The following FTCDNL1 variants were observed in gnomAD, a reference collection of about 807,000 sequenced individuals.
The protein encoded by FTCDNL1 is formiminotransferase N-terminal subdomain-containing protein.
FTCDNL1 carries 11 observed loss-of-function variants against 5.9 expected under a neutral mutation model. That is an observed-to-expected ratio of 1.87 (90% confidence interval 1.18 to 3.10). FTCDNL1 has a LOEUF of 3.10. Among genes scored for constraint, FTCDNL1 ranks in the 30% most tolerant of loss-of-function variants. The pLI, the probability that FTCDNL1 is intolerant of heterozygous loss-of-function variation, is 0.00. For missense variants in FTCDNL1, 115 were observed against 65.5 expected, an observed-to-expected ratio of 1.76 and a Z score of -2.61; for synonymous variants, 58 against 24.8, an observed-to-expected ratio of 2.34 and a Z score of -3.99.
chr2:199,775,805 C>G (rs1413100796), intron 3 of FTCDNL1, among the ~76,000 whole-genome samples: 1 of 152,128 alleles, frequency 6.6e-6, no homozygotes, highest in African/African-American at 2.4e-5. Context: ...TAATCTCTTG[C>G]ATATGTTTCT....
the FTCDNL1 span, among the ~76,000 whole-genome samples, chr2:199,711,396 G>T: frequency 6.6e-6 from 1 of 151,770 alleles, no homozygotes; most frequent in Non-Finnish European, 1.5e-5. Context: ...AAAATGAAAT[G>T]AATTCTCTGC....
At chr2:199,737,014 A>C in the FTCDNL1 span, among the ~76,000 whole-genome samples, 1 of 152,242 alleles carries the variant, frequency 6.6e-6, no homozygotes, top group Non-Finnish European at 1.5e-5. Context: ...TGGCTGCCAG[A>C]CTGCTGAGCC....
At chr2:199,774,061 TA>T in intron 3 of FTCDNL1, among the ~76,000 whole-genome samples, 1 of 152,362 alleles carries the variant, frequency 6.6e-6, no homozygotes, top group East Asian at 1.9e-4. Flanking sequence ...TGTTTTGTAA[TA>T]CATCCATTCT....
the FTCDNL1 span, among the ~76,000 whole-genome samples, chr2:199,744,591 G>T: frequency 1.3e-5 from 2 of 152,188 alleles, no homozygotes; most frequent in Admixed American, 1.3e-4. Context: ...CTCCAGAACT[G>T]TAAGAAAATA....
downstream of FTCDNL1, among the ~76,000 whole-genome samples, chr2:199,808,709 G>A (rs904914359): frequency 1.2e-4 from 18 of 152,174 alleles, no homozygotes; most frequent in African/African-American, 4.1e-4. Context: ...CCTCTCATCT[G>A]TTTAATACTG....
chr2:199,676,379 C>A, the FTCDNL1 span, among the ~76,000 whole-genome samples: 1 of 151,942 alleles, frequency 6.6e-6, no homozygotes, highest in African/African-American at 2.4e-5. Context: ...TTTAATGTAG[C>A]AAAATATAAG....
chr2:199,793,081 A>G (rs1428001878), intron 3 of FTCDNL1, among the ~76,000 whole-genome samples: 1 of 152,184 alleles, frequency 6.6e-6, no homozygotes, highest in African/African-American at 2.4e-5. Context: ...TTTGCCTACA[A>G]GGACCCAAGT....
the FTCDNL1 span, among the ~76,000 whole-genome samples, chr2:199,669,824 T>G: frequency 6.6e-6 from 1 of 152,202 alleles, no homozygotes; most frequent in East Asian, 1.9e-4. Context: ...TGGGTCACTC[T>G]TCCAGATGTT....
In FTCDNL1 at chr2:199,851,141, C is replaced by A. The variant is rs1294077123; in HGVS notation, c.-409G>T. 2 of 137,536 alleles carry A rather than the reference C, an allele frequency of 1.5e-5. No individual in the cohort carries two copies. The highest frequency in any genetic ancestry group is 6.1e-5 in the African/African-American group (2 of 32,854). 8.5% of individuals were successfully genotyped at this position (137,536 alleles called of 1,614,324 possible). A position where few individuals can be genotyped will look rare whatever the true frequency, so the allele number is the denominator to read the frequency against. On this transcript the variant is annotated 5_prime_UTR_variant, in exon 1 of 5. Coordinates refer to ENST00000420128, the MANE Select transcript of FTCDNL1 (RefSeq NM_001363886.2). ...AAGTCGCCGCCGCGCGTGGCCCGCGCGCAGCCTCCGCCGCCGCGCGTGGCC... is the reference window on the plus strand; with the variant it reads ...AAGTCGCCGCCGCGCGTGGCCCGCGAGCAGCCTCCGCCGCCGCGCGTGGCC...
At chr2:199,757,793 G>A (rs561241827), downstream of FTCDNL1, among the ~76,000 whole-genome samples, 1 of 152,210 alleles carries the variant, frequency 6.6e-6, no homozygotes, top group Admixed American at 6.5e-5. Context: ...TGTCCAGATG[G>A]GCATTAAATT....
chr2:199,818,387 A>G (rs778931645), intron 4 of FTCDNL1: 6 of 152,176 alleles, frequency 3.9e-5, no homozygotes, highest in Admixed American at 6.6e-5. Context: ...CTTTTATTAA[A>G]TCTCATCTTC....
At chr2:199,725,507 T>C in the FTCDNL1 span, among the ~76,000 whole-genome samples, 1 of 152,186 alleles carries the variant, frequency 6.6e-6, no homozygotes, top group Non-Finnish European at 1.5e-5. Context: ...TCAGTGTGTT[T>C]TTGTAGAGGC....
At chr2:199,670,698 T>A in the FTCDNL1 span, among the ~76,000 whole-genome samples, 1 of 152,084 alleles carries the variant, frequency 6.6e-6, no homozygotes, top group Non-Finnish European at 1.5e-5. Flanking sequence ...CTTCTCTTGA[T>A]CACTTTATCT....
At chr2:199,712,594 G>A in the FTCDNL1 span, among the ~76,000 whole-genome samples, 1 of 152,184 alleles carries the variant, frequency 6.6e-6, no homozygotes, top group African/African-American at 2.4e-5. Flanking sequence ...GGTGGCTTCA[G>A]TCAACACAAA....
chr2:199,784,825 A>G (rs949201949), intron 3 of FTCDNL1, among the ~76,000 whole-genome samples: 1 of 152,170 alleles, frequency 6.6e-6, no homozygotes, highest in Admixed American at 6.5e-5. Context: ...TAACTCTTCC[A>G]GGAGTTGGGG....
At chr2:199,738,078 T>C in the FTCDNL1 span, among the ~76,000 whole-genome samples, 6 of 152,308 alleles carry the variant, frequency 3.9e-5, no homozygotes, top group Admixed American at 6.5e-5. Context: ...TCTCAGTCAT[T>C]TCCCTCACCT....
At chr2:199,757,331 G>A (rs889689517), downstream of FTCDNL1, among the ~76,000 whole-genome samples, 2 of 152,188 alleles carry the variant, frequency 1.3e-5, no homozygotes, top group African/African-American at 2.4e-5. Flanking sequence ...GGAAAGGGGT[G>A]CCACTAGAGA....
At chr2:199,764,869 T>G (rs1698438184) in intron 3 of FTCDNL1, among the ~76,000 whole-genome samples, 1 of 152,140 alleles carries the variant, frequency 6.6e-6, no homozygotes, top group South Asian at 2.1e-4. Context: ...CCCGCTTCCC[T>G]ACTCCCCCTG....
the FTCDNL1 span, among the ~76,000 whole-genome samples, chr2:199,714,779 G>A: frequency 0.6 from 91,398 of 151,886 alleles, 30,917 homozygotes; most frequent in Non-Finnish European, 0.76. Context: ...TGCTTGTACA[G>A]GGACGGCAGA....
Sources: gnomAD v4.1 joint callset for allele counts (sites outside exome capture counted in the v4.1 genomes callset) on GRCh38, gnomAD v4.1.1 for gene constraint, MANE v1.5 for transcripts, NCBI Gene and HGNC (gene_info 2026-07-23, HGNC 2026-07-21) for gene names.